Variants in SLC22A12 observed in about 807,000 individuals in gnomAD.
The protein encoded by SLC22A12 is solute carrier family 22 member 12, also known as organic anion transporter 4-like protein.
In SLC22A12, 56 loss-of-function variants were observed where a neutral mutation model predicts 52.7. The ratio of observed to expected loss-of-function variants is 1.06; its 90% confidence interval spans 0.86 to 1.33. The LOEUF (loss-of-function observed/expected upper bound fraction) is 1.33, where lower values mean the gene tolerates loss of function less well. Ranked by LOEUF, SLC22A12 falls within the 40% of genes most tolerant of loss-of-function variation. The pLI is 0.00. For missense variants in SLC22A12, 683 were observed against 741.5 expected (o/e 0.92, Z 0.92); for synonymous variants, 337 against 324.6 (o/e 1.04, Z -0.41).
At chr11:64,600,576 T>C in intron 8 of SLC22A12, 101 bp downstream of exon 8, 3 of 1,346,694 alleles carry the variant, frequency 2.2e-6, no homozygotes, top group South Asian at 2.5e-5. Context: ...GTTCATGTCA[T>C]GCATCTCCCT....
Position 64,592,766 on chromosome 11 carries a change from C to A in SLC22A12, c.403-13C>A. On this transcript the variant is annotated splice_polypyrimidine_tract_variant and intron_variant, in intron 1 of 9. Transcript: ENST00000377574. ...CCCAACCTCCTGAGCTCAGCCTCCT[C>A]CTCTCCCATCAGTGGAACCTCGTGT... 3 of 1,607,932 alleles carry A rather than the reference C, an allele frequency of 1.9e-6. No individual in the cohort carries two copies. The highest frequency in any genetic ancestry group is 2.6e-6 in the Non-Finnish European group (3 of 1,174,852).
intron 1 of SLC22A12, 97 bp from the exon 2 acceptor site, chr11:64,592,682 C>T (rs571492958): frequency 1.7e-5 from 17 of 979,532 alleles, no homozygotes; most frequent in African/African-American, 3.1e-5. Flanking sequence ...GACCACCCAC[C>T]GCACCCAGCT....
rs962887606 is a variant in SLC22A12, at chr11:64,600,861, G to A, written c.1521G>A (p.Leu507=). Residue 507 remains leucine, a synonymous_variant, in exon 9 of 10, where the codon CTG becomes CTA. Coordinates refer to ENST00000377574, the MANE Select transcript of SLC22A12 (RefSeq NM_144585.4). ...TGGTGTATGGGACGGTGCCAGTGCT[G>A]AGTGGCCTGGCCGCACTGCTTCTGC... The part of the protein sequence containing the change: ...PLLVYGTVPV[L]SGLAALLLPE... 1 of 1,608,930 alleles carries A rather than the reference G, an allele frequency of 6.2e-7. No homozygotes were observed. The highest frequency in any genetic ancestry group is 1.1e-5 in the South Asian group (1 of 91,074).
chr11:64,591,946 A>G lies in SLC22A12; in HGVS notation c.390A>G (p.Thr130=), dbSNP rs767626462. 6.2e-7 allele frequency: 1 copy of G among 1,611,160 alleles called. No individual in the cohort carries two copies. Among genetic ancestry groups the G allele is most frequent in the African/African-American group, 1.3e-5 (1 of 75,034 alleles). The change falls in exon 1 of 10, where the codon ACA becomes ACG. Residue 130 remains threonine (T), a synonymous_variant. Coordinates refer to ENST00000377574, the MANE Select transcript of SLC22A12 (RefSeq NM_144585.4). ...WVYDRSIFTS[T]IVAKWNLVCD... Reference sequence around the variant, plus strand: ...ATGACCGCAGCATCTTCACCTCCACAATCGTGGCCAAGGTAGGGCCTCCCC... The same window carrying G: ...ATGACCGCAGCATCTTCACCTCCACGATCGTGGCCAAGGTAGGGCCTCCCC...
rs541637819 is a variant in SLC22A12, at chr11:64,599,065, C to T, written c.1070+142C>T. 1.8e-4 allele frequency: 228 copies of T among 1,267,950 alleles called. 2 individuals are homozygous for T. The East Asian group carries it at 4.8e-3, about 27-fold the overall frequency. 78.5% of individuals were successfully genotyped at this position (1,267,950 alleles called of 1,614,324 possible). Reference sequence around the variant, plus strand: ...CACCTTCCCCTCTGTCAGTCACTCCCGACAGGAGACAACCCAGGCCGGGTG... The same window carrying T: ...CACCTTCCCCTCTGTCAGTCACTCCTGACAGGAGACAACCCAGGCCGGGTG... On this transcript the variant is annotated intron_variant, in intron 6 of 9. Coordinates refer to ENST00000377574, the MANE Select transcript of SLC22A12 (RefSeq NM_144585.4).
At chr11:64,600,292 CCCCCTGGGCTGAAGGGAG>C in intron 7 of SLC22A12, 57 bp from the exon 8 acceptor site, 1 of 1,163,788 alleles carries the variant, frequency 8.6e-7, no homozygotes, top group Non-Finnish European at 1.2e-6. Context: ...CAGGGACAAG[CCCCCTGGGCTGAAGGGAG>C]CCCTCATCTG....
At position 64,591,959 on chromosome 11, in the gene SLC22A12, G is replaced by A. The variant is rs1211506590; in HGVS notation, c.402+1G>A. ...CTTCACCTCCACAATCGTGGCCAAGGTAGGGCCTCCCCCAGAGCCACTCGA... is the reference window on the plus strand; with the variant it reads ...CTTCACCTCCACAATCGTGGCCAAGATAGGGCCTCCCCCAGAGCCACTCGA... On this transcript the variant is annotated splice_donor_variant, in intron 1 of 9. Transcript: ENST00000377574. LOFTEE classifies it high-confidence loss of function. 1.2e-6 allele frequency: 2 copies of A among 1,610,166 alleles called. No individual in the cohort carries two copies. The highest frequency in any genetic ancestry group is 1.1e-5 in the South Asian group (1 of 91,036).
Position 64,602,026 on chromosome 11 carries a change from CT to C in SLC22A12, c.*476del, listed in dbSNP as rs886048454. On this transcript the variant is annotated 3_prime_UTR_variant, in exon 10 of 10. Coordinates refer to ENST00000377574, the MANE Select transcript of SLC22A12 (RefSeq NM_144585.4). ...CCCAGAAGCCCTGTAAGCCTGGCCC[CT>C]GGCCCCTCCCCATGTCCCTCCAGGC... is the stretch of plus-strand genomic sequence containing the variant. 8.0e-5 allele frequency: 20 copies of C among 250,218 alleles called. No individual in the cohort carries two copies. The East Asian group carries it at 1.5e-3, about 19-fold the overall frequency. 15.5% of individuals were successfully genotyped at this position (250,218 alleles called of 1,614,324 possible). A position where few individuals can be genotyped will look rare whatever the true frequency, so the allele number is the denominator to read the frequency against.
At chr11:64,598,720 G>A (rs1281979283) in intron 5 of SLC22A12, 81 bp downstream of exon 5, 5 of 1,602,234 alleles carry the variant, frequency 3.1e-6, no homozygotes, top group Non-Finnish European at 3.4e-6. Flanking sequence ...GACCCACCAA[G>A]GACCTCAGCT....
At position 64,600,749 on chromosome 11, in the gene SLC22A12, G is replaced by A. The variant is rs775835963; in HGVS notation, c.1409G>A (p.Gly470Asp). 1.2e-6 allele frequency: 2 copies of A among 1,605,068 alleles called. No homozygotes were observed. The highest frequency in any genetic ancestry group is 1.7e-6 in the Non-Finnish European group (2 of 1,179,916). ...TGCATTGGCAGGATGACGGCAGTGG[G>A]CTTGGGCCAGATGGCAGCCCGTGGA... Reference protein sequence around the residue: ...FPTVLRMTAVGLGQMAARGGA... With the variant: ...FPTVLRMTAVDLGQMAARGGA... Residue 470 changes from glycine to aspartate, a missense_variant, in exon 9 of 10, where the codon GGC (glycine) becomes GAC (aspartate). Physicochemically the swap from Gly to Asp is moderately conservative, Grantham distance 94 (BLOSUM62 -1). Transcript: ENST00000377574.
chr11:64,593,889 G>A, intron 4 of SLC22A12, 86 bp downstream of exon 4: 1 of 1,536,108 alleles, frequency 6.5e-7, no homozygotes, highest in Non-Finnish European at 8.8e-7. Flanking sequence ...TTTCCCTGGG[G>A]GCTGGGGAGT....
At chr11:64,595,027 A>ATGGGTGG (rs1565135880) in intron 4 of SLC22A12, among the ~76,000 whole-genome samples, 1 of 20,886 alleles carries the variant, frequency 4.8e-5, no homozygotes. Flanking sequence ...GGATGGTTGG[A>ATGGGTGG]ATAGATGGAT....
chr11:64,600,316 A>T, intron 7 of SLC22A12, 51 bp from the exon 8 acceptor site: 1 of 1,406,614 alleles, frequency 7.1e-7, no homozygotes, highest in Non-Finnish European at 9.8e-7. Flanking sequence ...GGGAGCCCTC[A>T]TCTGATCTTG....
At chr11:64,601,339 A>T in intron 9 of SLC22A12, 149 bp from the exon 10 acceptor site, 1 of 775,366 alleles carries the variant, frequency 1.3e-6, no homozygotes, top group Non-Finnish European at 2.2e-6. Context: ...CTTCACACAC[A>T]CCCCCAACCC....
intron 9 of SLC22A12, 73 bp from the exon 10 acceptor site, chr11:64,601,415 T>C (rs1591405985): frequency 2.0e-6 from 3 of 1,503,724 alleles, no homozygotes; most frequent in Non-Finnish European, 2.7e-6. Context: ...CTGGAGTCCT[T>C]GGGATGGACA....
rs886048458 is a variant in SLC22A12, at chr11:64,602,194, A to G, written c.*643A>G. ...AGATGCCCGTGAAACTCCTACCCAC[A>G]GTTACAGCCACAAGCCTGCCTCCTC... On this transcript the variant is annotated 3_prime_UTR_variant, in exon 10 of 10. Coordinates refer to ENST00000377574, the MANE Select transcript of SLC22A12 (RefSeq NM_144585.4). 8.6e-4 allele frequency: 147 copies of G among 170,444 alleles called. 1 individual carries two copies. The highest frequency in any genetic ancestry group is 1.6e-3 in the Non-Finnish European group (127 of 78,690). 10.6% of individuals were successfully genotyped at this position (170,444 alleles called of 1,614,324 possible).
Position 64,593,753 on chromosome 11 carries a change from GC to G in SLC22A12, c.781del (p.Leu261CysfsTer55), listed in dbSNP as rs773064721. 2 of 1,612,876 alleles carry G rather than the reference GC, an allele frequency of 1.2e-6. No individual in the cohort carries two copies. Among genetic ancestry groups the G allele is most frequent in the Non-Finnish European group, 1.7e-6 (2 of 1,180,024 alleles). The stretch of plus-strand genomic sequence containing the variant: ...CCTACGGTGTGCGGGACTGGACACT[GC>G]TGCAGCTGGTGGTCTCGGTCCCCTT... ...VAYGVRDWTL[L>X]QLVVSVPFFL... On this transcript the variant is annotated frameshift_variant, in exon 4 of 10. Coordinates refer to ENST00000377574, the MANE Select transcript of SLC22A12 (RefSeq NM_144585.4). LOFTEE classifies it high-confidence loss of function.
rs763298510 is a variant in SLC22A12, at chr11:64,591,927, G to A, written c.371G>A (p.Arg124His). The change falls in exon 1 of 10, where the codon CGC (arginine) becomes CAC (histidine). Residue 124 changes from arginine (R) to histidine (H), a missense_variant. Coordinates refer to ENST00000377574, the MANE Select transcript of SLC22A12 (RefSeq NM_144585.4). ...EPCVDGWVYDRSIFTSTIVAK... is the reference protein window; with the variant it reads ...EPCVDGWVYDHSIFTSTIVAK... ...TGTGTGGATGGCTGGGTCTATGACCGCAGCATCTTCACCTCCACAATCGTG... is the reference window on the plus strand; with the variant it reads ...TGTGTGGATGGCTGGGTCTATGACCACAGCATCTTCACCTCCACAATCGTG... The A allele has an allele frequency of 1.1e-5, 17 of 1,611,796 alleles. No homozygotes were observed. The highest frequency in any genetic ancestry group is 7.7e-5 in the South Asian group (7 of 91,064).
chr11:64,598,232 A>AG (rs1049607602), intron 4 of SLC22A12, among the ~76,000 whole-genome samples: 1 of 152,032 alleles, frequency 6.6e-6, no homozygotes, highest in African/African-American at 2.4e-5. Context: ...GGAGGCAGGA[A>AG]GGGTTCCACA....
Sources: gnomAD v4.1 joint callset for allele counts (sites outside exome capture counted in the v4.1 genomes callset) on GRCh38, gnomAD v4.1.1 for gene constraint, MANE v1.5 for transcripts, NCBI Gene and HGNC (gene_info 2026-07-23, HGNC 2026-07-21) for gene names.